The following XRRA1 variants were observed in gnomAD, a reference collection of about 807,000 sequenced individuals.
The protein encoded by XRRA1 is X-ray radiation resistance associated 1, also known as X-ray radiation resistance-associated protein 1.
In XRRA1, 69 loss-of-function variants were observed where a neutral mutation model predicts 80.2. The ratio of observed to expected loss-of-function variants is 0.86; its 90% CI spans 0.71 to 1.05. The LOEUF (loss-of-function observed/expected upper bound fraction) is 1.05, where lower values mean the gene tolerates loss of function less well. XRRA1 is among the 50% of genes least tolerant of loss of function. The probability of loss-of-function intolerance (pLI) is 0.00; values close to 1 mark genes in which losing one functional copy is unlikely to be tolerated. For missense variants in XRRA1, 967 were observed against 976.4 expected (o/e 0.99, Z 0.13); for synonymous variants, 348 against 389.9 (o/e 0.89, Z 1.27).
At chr11:74,929,941 G>A (rs1210659969) in intron 6 of XRRA1, among the ~76,000 whole-genome samples, 1 of 152,092 alleles carries the variant, frequency 6.6e-6, no homozygotes, top group Admixed American at 6.6e-5. Flanking sequence ...GGGTCGCTGT[G>A]GACTTGCTGA....
Position 74,937,082 on chromosome 11 carries a change from T to C in XRRA1, c.95-14A>G, listed in dbSNP as rs761871135. The C allele has an allele frequency of 1.9e-6, 3 of 1,607,110 alleles. No individual in the cohort carries two copies. Among genetic ancestry groups the C allele is most frequent in the African/African-American group, 1.3e-5 (1 of 74,568 alleles). On this transcript the variant is annotated splice_polypyrimidine_tract_variant and intron_variant, in intron 3 of 18. Coordinates refer to ENST00000684022, the MANE Select transcript of XRRA1 (RefSeq NM_001378157.1). ...AGTGTCCTTGGCCTGTTGAGAAAAT[T>C]AGAACAGTGAAAAGGGGAAAACTCC... is the stretch of plus-strand genomic sequence containing the variant.
chr11:74,860,420 A>C (rs1197859720), intron 11 of XRRA1, among the ~76,000 whole-genome samples: 1 of 152,228 alleles, frequency 6.6e-6, no homozygotes, highest in Non-Finnish European at 1.5e-5. Context: ...TGCAGTACAG[A>C]AAAGGAAAAG....
intron 10 of XRRA1, among the ~76,000 whole-genome samples, chr11:74,881,615 C>T (rs2047606425): frequency 6.6e-6 from 1 of 152,034 alleles, no homozygotes; most frequent in African/African-American, 2.4e-5. Context: ...TTGTTCCTTT[C>T]CATGTTTAGT....
chr11:74,923,438 G>A (rs1815810596), intron 7 of XRRA1, among the ~76,000 whole-genome samples: 1 of 152,200 alleles, frequency 6.6e-6, no homozygotes, highest in African/African-American at 2.4e-5. Context: ...CTGGAAAGGT[G>A]CCTGAGATAA....
chr11:74,914,557 G>A (rs1410445372), intron 8 of XRRA1, among the ~76,000 whole-genome samples: 3 of 152,054 alleles, frequency 2.0e-5, no homozygotes, highest in Non-Finnish European at 4.4e-5. Context: ...ACCTGTTATC[G>A]CCAAATAATT....
intron 10 of XRRA1, among the ~76,000 whole-genome samples, chr11:74,897,194 A>C (rs1211271509): frequency 6.6e-6 from 1 of 152,056 alleles, no homozygotes; most frequent in Non-Finnish European, 1.5e-5. Flanking sequence ...AAAAAGAATC[A>C]AGCAGAAATT....
chr11:74,848,183 C>T lies in XRRA1; in HGVS notation c.1660G>A (p.Val554Ile), dbSNP rs77341304. 29,864 of 1,613,740 alleles carry T rather than the reference C, an allele frequency of 0.019. 314 individuals carry two copies. The highest frequency in any genetic ancestry group is 0.022 in the Non-Finnish European group (26,377 of 1,179,872). The change falls in exon 15 of 19, where the codon GTC (valine) becomes ATC (isoleucine). Residue 554 changes from valine to isoleucine, a missense_variant. Val to Ile is a conservative substitution (Grantham distance 29). Coordinates refer to ENST00000684022, the MANE Select transcript of XRRA1 (RefSeq NM_001378157.1). ...ETLSHLSDTT[V>I]RLSPERPSDE... ...GATGGGCGCTCTGGGCTGAGGCGGA[C>T]AGTTGTGTCACTCAGGTGGGACAGG...
intron 3 of XRRA1, among the ~76,000 whole-genome samples, chr11:74,940,128 A>G (rs1231404483): frequency 6.6e-6 from 1 of 152,242 alleles, no homozygotes. Context: ...CTTTCAAAGC[A>G]ACAAAGCCAA....
rs557408187 is a variant in XRRA1, at chr11:74,844,537, T to A, written c.1928-254A>T. 2.0e-5 allele frequency among the ~76,000 whole-genome samples: 3 copies of A among 151,998 alleles called. No individual in the cohort carries two copies. The South Asian group carries it at 6.2e-4, about 32-fold the overall frequency. On this transcript the variant is annotated intron_variant, in intron 16 of 18. Coordinates refer to ENST00000684022, the MANE Select transcript of XRRA1 (RefSeq NM_001378157.1). ...TTGTAATGGGTAAATAGTATTGGAG[T>A]GGGGGAAAAGGCTGGCTCCAATGTG...
intron 7 of XRRA1, among the ~76,000 whole-genome samples, chr11:74,925,557 C>A (rs1448048611): frequency 6.6e-6 from 1 of 151,450 alleles, no homozygotes; most frequent in Admixed American, 6.6e-5. Context: ...GATGACTGGG[C>A]AAGAGATTTC....
chr11:74,906,597 T>A, intron 9 of XRRA1, 141 bp from the exon 10 acceptor site: 1 of 887,344 alleles, frequency 1.1e-6, no homozygotes, highest in Non-Finnish European at 1.7e-6. Context: ...TGACTTACTC[T>A]CTCTGGGATT....
chr11:74,906,189 T>C, intron 10 of XRRA1, 50 bp downstream of exon 10: 1 of 1,539,052 alleles, frequency 6.5e-7, no homozygotes, highest in Non-Finnish European at 8.9e-7. Context: ...CTCTCAGAAG[T>C]GTATTTCCAC....
chr11:74,848,269 CA>C lies in XRRA1; in HGVS notation c.1573del (p.Cys525AlafsTer25), dbSNP rs1427599357. On this transcript the variant is annotated frameshift_variant, in exon 15 of 19. Coordinates refer to ENST00000684022, the MANE Select transcript of XRRA1 (RefSeq NM_001378157.1). LOFTEE classifies it high-confidence loss of function. The part of the protein sequence containing the change: ...TENLEGHSPS[C>X]RTFVPLPPIC... ...GGGAGGCAGTGGCACGAAGGTCCGG[CA>C]AGACGGGGAATGGCCTTCCAGGTTC... 17 of 1,613,756 alleles carry C rather than the reference CA, an allele frequency of 1.1e-5. No homozygotes were observed. The highest frequency in any genetic ancestry group is 5.3e-5 in the African/African-American group (4 of 74,904).
At chr11:74,881,891 G>A (rs1287396520) in intron 10 of XRRA1, among the ~76,000 whole-genome samples, 1 of 149,558 alleles carries the variant, frequency 6.7e-6, no homozygotes, top group Non-Finnish European at 1.5e-5. Flanking sequence ...TTAGTCTGAT[G>A]GGCTTCCCTT....
intron 8 of XRRA1, among the ~76,000 whole-genome samples, chr11:74,910,991 C>T (rs550339868): frequency 6.6e-6 from 1 of 152,024 alleles, no homozygotes; most frequent in Non-Finnish European, 1.5e-5. Context: ...AGAAGGAGGG[C>T]TTAATGGCAT....
intron 18 of XRRA1, 96 bp from the exon 19 acceptor site, chr11:74,843,549 GA>G: frequency 6.1e-6 from 9 of 1,486,412 alleles, no homozygotes; most frequent in Non-Finnish European, 8.1e-6. Flanking sequence ...TGGAAAATGG[GA>G]TGGTGTGGCA....
intron 13 of XRRA1, 131 bp downstream of exon 13, chr11:74,851,858 A>G (rs1450693561): frequency 5.4e-6 from 4 of 737,374 alleles, no homozygotes; most frequent in Non-Finnish European, 9.3e-6. Context: ...CCATTCCTCA[A>G]TGTACCATGA....
intron 7 of XRRA1, 103 bp from the exon 8 acceptor site, chr11:74,921,450 G>A: frequency 7.0e-7 from 1 of 1,427,916 alleles, no homozygotes; most frequent in East Asian, 2.3e-5. Flanking sequence ...ATCGCCCACA[G>A]GACAAAACCC....
intron 10 of XRRA1, among the ~76,000 whole-genome samples, chr11:74,889,719 C>G (rs2050124414): frequency 6.6e-6 from 1 of 152,008 alleles, no homozygotes; most frequent in Non-Finnish European, 1.5e-5. Flanking sequence ...ATCTACCAAG[C>G]AAGTGGAAAA....
Sources: allele counts gnomAD v4.1 joint callset (sites outside exome capture counted in the v4.1 genomes callset), GRCh38; gene constraint gnomAD v4.1.1; transcripts MANE v1.5; gene names NCBI Gene and HGNC (gene_info 2026-07-23, HGNC 2026-07-21).